Variants in IDO2 observed in about 807,000 individuals in gnomAD.
The protein encoded by IDO2 is indoleamine 2,3-dioxygenase-like 1 protein.
In IDO2, 46 loss-of-function variants were observed where a neutral mutation model predicts 45.1. The observed-to-expected ratio is 1.02, with a 90% confidence interval of 0.80 to 1.30. The LOEUF is 1.30. Among genes scored for constraint, IDO2 ranks in the 50% most tolerant of loss-of-function variants. IDO2 has a pLI of 0.00. For missense variants in IDO2, 544 were observed against 491.8 expected (o/e 1.11, Z -1.00); for synonymous variants, 218 against 184.9 (o/e 1.18, Z -1.45).
chr8:39,940,257 C>G (rs1275414208), intron 1 of IDO2, among the ~76,000 whole-genome samples: 1 of 152,124 alleles, frequency 6.6e-6, no homozygotes, highest in African/African-American at 2.4e-5. Context: ...ACACGCAGAT[C>G]CCGGTCCTAC....
At chr8:40,009,152 C>T (rs535544971) in intron 9 of IDO2, among the ~76,000 whole-genome samples, 2 of 152,222 alleles carry the variant, frequency 1.3e-5, no homozygotes, top group South Asian at 4.1e-4. Context: ...GTAGCTGGGA[C>T]TACAGGCACC....
chr8:39,989,973 T>A (rs1585413356), intron 8 of IDO2, 135 bp downstream of exon 8: 1 of 594,616 alleles, frequency 1.7e-6, no homozygotes, highest in African/African-American at 1.9e-5. Flanking sequence ...TGGTGGACTA[T>A]CTTTGTTTTA....
rs186947726 is a variant in IDO2 at position 40,002,844 on chromosome 8, T to C, written c.668-2483T>C. ...GAAATTTTGTACAAATTTTATTAAATGTCTACATTAATTTGGAGAAAAATG... is the reference window on the plus strand; with the variant it reads ...GAAATTTTGTACAAATTTTATTAAACGTCTACATTAATTTGGAGAAAAATG... On this transcript the variant is annotated intron_variant, in intron 8 of 10. Coordinates refer to ENST00000502986, the Ensembl canonical transcript of IDO2. Among the ~76,000 whole-genome samples, 90 of 152,256 alleles carry C rather than the reference T, an allele frequency of 5.9e-4. 1 individual carries two copies. Among genetic ancestry groups the C allele is most frequent in the Middle Eastern group, 3.4e-3 (1 of 294 alleles).
At chr8:39,957,800 T>C (rs1324509501) in intron 2 of IDO2, among the ~76,000 whole-genome samples, 1 of 152,230 alleles carries the variant, frequency 6.6e-6, no homozygotes, top group East Asian at 1.9e-4. Context: ...TTTAAAATCA[T>C]CTGCTTCAAA....
At chr8:39,990,013 T>C (rs764071264) in intron 8 of IDO2, among the ~76,000 whole-genome samples, 175 bp downstream of exon 8, 17 of 152,212 alleles carry the variant, frequency 1.1e-4, no homozygotes, top group Non-Finnish European at 2.4e-4. Context: ...TGGAGAGCTA[T>C]TGTCACAGCT....
chr8:39,982,755 A>G (rs1184714693), exon 5 of IDO2: 1 of 1,596,182 alleles, frequency 6.3e-7, no homozygotes, highest in South Asian at 1.1e-5. Context: ...AACTGGACCA[A>G]AAAAGATCCA....
intron 2 of IDO2, among the ~76,000 whole-genome samples, chr8:39,955,581 G>T (rs901828557): frequency 4.6e-5 from 7 of 151,932 alleles, no homozygotes; most frequent in Non-Finnish European, 1.0e-4. Context: ...CATGCCAGGT[G>T]GGGGGAGGGG....
chr8:40,013,788 T>G, intron 10 of IDO2, 75 bp downstream of exon 10: 1 of 989,312 alleles, frequency 1.0e-6, no homozygotes, highest in Non-Finnish European at 1.4e-6. Flanking sequence ...TTCCAATTGA[T>G]AAAACCAAAT....
intron 1 of IDO2, among the ~76,000 whole-genome samples, chr8:39,944,637 C>A (rs1037810222): frequency 6.6e-6 from 1 of 152,120 alleles, no homozygotes; most frequent in African/African-American, 2.4e-5. Context: ...CCCAAAGCCC[C>A]GAGTCTATCA....
At chr8:39,941,089 G>T (rs1427886256) in intron 1 of IDO2, among the ~76,000 whole-genome samples, 1 of 151,540 alleles carries the variant, frequency 6.6e-6, no homozygotes, top group Non-Finnish European at 1.5e-5. Flanking sequence ...TGGTGTGGTG[G>T]CAGGGGCCCG....
chr8:39,955,397 G>A (rs2129593563), intron 2 of IDO2, among the ~76,000 whole-genome samples: 2 of 151,650 alleles, frequency 1.3e-5, no homozygotes, highest in South Asian at 2.1e-4. Context: ...TGGGATTACA[G>A]GTGCGGGCCA....
At chr8:39,951,178 A>G (rs1807809158) in intron 2 of IDO2, among the ~76,000 whole-genome samples, 1 of 152,086 alleles carries the variant, frequency 6.6e-6, no homozygotes, top group African/African-American at 2.4e-5. Flanking sequence ...TGAATTCCAC[A>G]CTATTCTTTA....
Position 39,973,372 on chromosome 8 carries a change from T to C in IDO2, c.196-5695T>C, listed in dbSNP as rs1039164658. Reference sequence around the variant, plus strand: ...AGAATTAGTGACATCCCAGTAGCAATGAGCAAACCCACTGCCCAGATAAAT... The same window carrying C: ...AGAATTAGTGACATCCCAGTAGCAACGAGCAAACCCACTGCCCAGATAAAT... On this transcript the variant is annotated intron_variant, in intron 3 of 10. Transcript: ENST00000502986. 4.6e-5 allele frequency among the ~76,000 whole-genome samples: 7 copies of C among 152,224 alleles called. No homozygotes were observed. The South Asian group carries it at 1.5e-3, about 32-fold the overall frequency.
intron 2 of IDO2, among the ~76,000 whole-genome samples, chr8:39,955,460 T>G (rs961776493): frequency 6.6e-6 from 1 of 151,978 alleles, no homozygotes; most frequent in African/African-American, 2.4e-5. Context: ...TTCACTATGT[T>G]GGCCAGGCTG....
chr8:40,015,954 G>T (rs1802381779), exon 11 of IDO2: 1 of 341,524 alleles, frequency 2.9e-6, no homozygotes, highest in Non-Finnish European at 5.1e-6. Context: ...TACATTACTT[G>T]TTGATTTTCT....
In IDO2 at chr8:40,015,172, AAAG is replaced by A. The variant is rs1186866490; in HGVS notation, c.869-65_869-63del. ...CTCATCTAGAGAAAAAAAAAATAAA[AAAG>A]AAGAAGAAGCAGACGAGCTCTGCTA... On this transcript the variant is annotated intron_variant, in intron 10 of 10. Transcript: ENST00000502986. 2.2e-4 allele frequency: 201 copies of A among 913,676 alleles called. 1 individual carries two copies. The highest frequency in any genetic ancestry group is 7.7e-5 in the Admixed American group (3 of 38,984). 56.6% of individuals were successfully genotyped at this position (913,676 alleles called of 1,614,324 possible).
In IDO2 at chr8:39,979,051, G is replaced by A; in HGVS notation, c.196-16G>A. ...TCCCATCCCTCCTCTGACGGCATTT[G>A]GACTTTCATGAACAGATGCCCCTGC... On this transcript the variant is annotated splice_polypyrimidine_tract_variant and intron_variant, in intron 3 of 10. Transcript: ENST00000502986. The A allele has an allele frequency of 6.4e-7, 1 of 1,566,274 alleles. No homozygotes were observed.
chr8:39,974,128 T>G (rs2543061), intron 3 of IDO2, among the ~76,000 whole-genome samples: 124,010 of 152,152 alleles, frequency 0.82, 50,918 homozygotes, highest in African/African-American at 0.91. Flanking sequence ...AGTAAGATTT[T>G]TCCTATCAGT....
intron 2 of IDO2, among the ~76,000 whole-genome samples, chr8:39,962,171 C>T (rs1209093715): frequency 2.6e-5 from 4 of 152,188 alleles, no homozygotes; most frequent in Non-Finnish European, 5.9e-5. Flanking sequence ...CTTGGCTAAA[C>T]CACAGGCCTA....
Sources: gnomAD v4.1 joint callset for allele counts (sites outside exome capture counted in the v4.1 genomes callset) on GRCh38, gnomAD v4.1.1 for gene constraint, MANE v1.5 for transcripts, NCBI Gene and HGNC (gene_info 2026-07-23, HGNC 2026-07-21) for gene names.